MROH9: variants seen among roughly 807,000 people sequenced by gnomAD.
MROH9 encodes maestro heat like repeat family member 9.
Under a neutral mutation model 98.2 loss-of-function variants are expected in MROH9, and 92 were observed. That is an observed-to-expected ratio of 0.94 (90% CI 0.79 to 1.11). The LOEUF is 1.11. Ranked by LOEUF, MROH9 falls within the 50% of genes most tolerant of loss-of-function variation. The probability of loss-of-function intolerance (pLI) is 0.00; values close to 1 mark genes in which losing one functional copy is unlikely to be tolerated. For missense variants in MROH9, 1,057 were observed against 1,014.8 expected (o/e 1.04, Z -0.57); for synonymous variants, 397 against 368.9 (o/e 1.08, Z -0.87).
At chr1:170,967,311 A>G (rs752048195) in intron 7 of MROH9, among the ~76,000 whole-genome samples, 2 of 152,288 alleles carry the variant, frequency 1.3e-5, no homozygotes, top group Admixed American at 6.5e-5. Flanking sequence ...CCAGCTCATC[A>G]CAATCAGGGA....
chr1:170,943,793 A>T (rs1233939315), intron 1 of MROH9, among the ~76,000 whole-genome samples: 1 of 152,048 alleles, frequency 6.6e-6, no homozygotes, highest in Non-Finnish European at 1.5e-5. Context: ...AACAGTTTTA[A>T]TGTGAAAAAA....
chr1:171,042,442 G>A (rs1335040877), intron 20 of MROH9, among the ~76,000 whole-genome samples: 1 of 152,064 alleles, frequency 6.6e-6, no homozygotes, highest in African/African-American at 2.4e-5. Flanking sequence ...AAACAGTGCT[G>A]CAACAAAGAA....
rs138166193 is a variant in MROH9, at chr1:171,028,221, G to A, written c.2281+2801G>A. ...TTTTTGTATAAGGTGTAAGGAAAGC[G>A]TCTAGTTTCAGTTTCCTGCATATGG... On this transcript the variant is annotated intron_variant, in intron 20 of 21. Coordinates refer to ENST00000367759, the MANE Select transcript of MROH9 (RefSeq NM_001163629.2). Among the ~76,000 whole-genome samples, 564 of 152,250 alleles carry A rather than the reference G, an allele frequency of 3.7e-3. 4 individuals are homozygous for A. The highest frequency in any genetic ancestry group is 8.0e-3 in the African/African-American group (331 of 41,552).
intron 9 of MROH9, 75 bp from the exon 10 acceptor site, chr1:170,986,486 C>A: frequency 6.7e-7 from 1 of 1,501,362 alleles, no homozygotes. Flanking sequence ...GAGCATCCCC[C>A]ACCATGTCTG....
intron 15 of MROH9, among the ~76,000 whole-genome samples, chr1:171,008,727 A>C (rs1202037468): frequency 6.6e-6 from 1 of 152,188 alleles, no homozygotes; most frequent in African/African-American, 2.4e-5. Flanking sequence ...GTGAATAATC[A>C]GTGCATTCCA....
intron 13 of MROH9, 87 bp downstream of exon 13, chr1:170,995,618 C>A: frequency 7.1e-7 from 1 of 1,399,898 alleles, no homozygotes; most frequent in Non-Finnish European, 9.9e-7. Context: ...ATATGGGATT[C>A]TTTACAGTCC....
intron 6 of MROH9, among the ~76,000 whole-genome samples, chr1:170,962,380 C>T (rs1358122225): frequency 1.3e-5 from 2 of 152,138 alleles, no homozygotes; most frequent in Admixed American, 1.3e-4. Flanking sequence ...AAATGCTGAG[C>T]ATTCTATCTT....
At chr1:171,018,996 C>G (rs1263742134) in intron 17 of MROH9, among the ~76,000 whole-genome samples, 1 of 152,192 alleles carries the variant, frequency 6.6e-6, no homozygotes, top group African/African-American at 2.4e-5. Context: ...CTCTCCAACC[C>G]AAATCAACAG....
chr1:171,022,539 G>T (rs759376703), intron 17 of MROH9, among the ~76,000 whole-genome samples: 1 of 152,096 alleles, frequency 6.6e-6, no homozygotes, highest in African/African-American at 2.4e-5. Context: ...ATAAGTGGGA[G>T]TTGAACAATG....
Position 171,050,688 on chromosome 1 carries a change from G to A in MROH9, c.2282-11444G>A, listed in dbSNP as rs568160465. 3.6e-4 allele frequency among the ~76,000 whole-genome samples: 55 copies of A among 152,192 alleles called. 1 individual carries two copies. Among genetic ancestry groups the A allele is most frequent in the African/African-American group, 1.3e-3 (52 of 41,514 alleles). On this transcript the variant is annotated intron_variant, in intron 20 of 21. Transcript: ENST00000367759. Reference sequence around the variant, plus strand: ...TCTCTTGTCTGATTGCTCTAGTTAGGTCTTCCAGTACTGCATTGAATAGAA... The same window carrying A: ...TCTCTTGTCTGATTGCTCTAGTTAGATCTTCCAGTACTGCATTGAATAGAA...
chr1:170,949,684 T>G (rs1649471840), intron 3 of MROH9, among the ~76,000 whole-genome samples: 1 of 152,038 alleles, frequency 6.6e-6, no homozygotes. Context: ...CCAGAACATG[T>G]AGCTGGACCT....
Position 171,054,812 on chromosome 1 carries a change from T to C in MROH9, c.2282-7320T>C, listed in dbSNP as rs182018124. ...TCAGAACCACAATATGATACCACCT[T>C]ACTCCTGCAAGAATGGCCATAATTT... On this transcript the variant is annotated intron_variant, in intron 20 of 21. Coordinates refer to ENST00000367759, the MANE Select transcript of MROH9 (RefSeq NM_001163629.2). Among the ~76,000 whole-genome samples, 544 of 152,256 alleles carry C rather than the reference T, an allele frequency of 3.6e-3. 1 individual carries two copies. The highest frequency in any genetic ancestry group is 5.2e-3 in the Non-Finnish European group (355 of 67,990).
In MROH9 at chr1:171,062,178, C is replaced by G; in HGVS notation, c.2328C>G (p.Ile776Met). The G allele has an allele frequency of 6.5e-7, 1 of 1,548,804 alleles. No individual in the cohort carries two copies. Among genetic ancestry groups the G allele is most frequent in the Non-Finnish European group, 8.7e-7 (1 of 1,144,636 alleles). ...GTCATTTACTGCTTAGAGATGAAAT[C>G]GAAGTCATGCTTGATGGTGAGTATT... ...SGGHLLLRDE[I>M]EVMLDVIERL... Residue 776 changes from isoleucine (I) to methionine (M), a missense_variant, in exon 21 of 22, where the codon ATC (isoleucine) becomes ATG (methionine). Ile to Met is a conservative substitution (Grantham distance 10, BLOSUM62 1). Coordinates refer to ENST00000367759, the MANE Select transcript of MROH9 (RefSeq NM_001163629.2).
chr1:170,945,445 A>G, intron 1 of MROH9, 75 bp from the exon 2 acceptor site: 1 of 914,458 alleles, frequency 1.1e-6, no homozygotes, highest in Non-Finnish European at 1.8e-6. Flanking sequence ...TCATAGTACC[A>G]TCCATATTGA....
chr1:170,959,248 G>A (rs188732646), intron 4 of MROH9, among the ~76,000 whole-genome samples: 5 of 152,032 alleles, frequency 3.3e-5, no homozygotes, highest in Non-Finnish European at 4.4e-5. Flanking sequence ...GGTGGCGGGC[G>A]CCTGTAGTCC....
chr1:171,013,052 A>C (rs1652214052), intron 15 of MROH9, among the ~76,000 whole-genome samples: 1 of 151,964 alleles, frequency 6.6e-6, no homozygotes, highest in Non-Finnish European at 1.5e-5. Flanking sequence ...ACCCTGCTTC[A>C]TATTCCTCAG....
chr1:170,977,429 C>T (rs1650746462), intron 8 of MROH9, among the ~76,000 whole-genome samples: 1 of 152,096 alleles, frequency 6.6e-6, no homozygotes, highest in South Asian at 2.1e-4. Flanking sequence ...AGGACTGAGC[C>T]TTGTACAGGG....
chr1:170,946,059 A>C (rs1649320490), intron 2 of MROH9, among the ~76,000 whole-genome samples: 1 of 152,040 alleles, frequency 6.6e-6, no homozygotes, highest in Non-Finnish European at 1.5e-5. Context: ...TAATGAAATC[A>C]AGTATTGAAA....
chr1:171,059,858 A>C (rs1293577735), intron 20 of MROH9, among the ~76,000 whole-genome samples: 1 of 152,182 alleles, frequency 6.6e-6, no homozygotes, highest in East Asian at 1.9e-4. Flanking sequence ...GGAGGGGAAC[A>C]ACACACACCA....
Sources: allele counts gnomAD v4.1 joint callset (sites outside exome capture counted in the v4.1 genomes callset), GRCh38; gene constraint gnomAD v4.1.1; transcripts MANE v1.5; gene names NCBI Gene and HGNC (gene_info 2026-07-23, HGNC 2026-07-21).